MYO3B: variants seen among roughly 807,000 people sequenced by gnomAD.
MYO3B encodes myosin IIIB.
Under a neutral mutation model 174.6 loss-of-function variants are expected in MYO3B, and 156 were observed. The ratio of observed to expected loss-of-function variants is 0.89; its 90% confidence interval spans 0.78 to 1.02. The LOEUF (loss-of-function observed/expected upper bound fraction) is 1.02. Ranked by LOEUF, MYO3B falls within the 50% of genes least tolerant of loss-of-function variation. The pLI is 0.00. For missense variants in MYO3B, 1,632 were observed against 1,639.4 expected (o/e 1.00, Z 0.08); for synonymous variants, 563 against 569.1 (o/e 0.99, Z 0.15).
chr2:170,337,574 C>G (rs1386244402), intron 8 of MYO3B, among the ~76,000 whole-genome samples: 1 of 152,126 alleles, frequency 6.6e-6, no homozygotes, highest in Non-Finnish European at 1.5e-5. Flanking sequence ...AGAGATTGGA[C>G]TGTACACAAC....
At chr2:170,438,723 C>G (rs1264760477) in intron 22 of MYO3B, among the ~76,000 whole-genome samples, 1 of 152,090 alleles carries the variant, frequency 6.6e-6, no homozygotes, top group Admixed American at 6.5e-5. Flanking sequence ...CAGCCTCCCC[C>G]TCCCAAGTTC....
chr2:170,466,837 C>A, intron 25 of MYO3B, 126 bp downstream of exon 25: 1 of 942,592 alleles, frequency 1.1e-6, no homozygotes, highest in Non-Finnish European at 1.6e-6. Flanking sequence ...TGCCAGCTAC[C>A]ATTTACTTGC....
intron 7 of MYO3B, among the ~76,000 whole-genome samples, chr2:170,280,307 G>A (rs1000565952): frequency 2.0e-5 from 3 of 151,848 alleles, no homozygotes; most frequent in Non-Finnish European, 4.4e-5. Flanking sequence ...TTTTAGTGGG[G>A]TTGTTTTTTT....
intron 25 of MYO3B, among the ~76,000 whole-genome samples, chr2:170,488,626 T>A (rs533501397): frequency 6.6e-6 from 1 of 152,208 alleles, no homozygotes; most frequent in African/African-American, 2.4e-5. Flanking sequence ...ATAGCTTATA[T>A]GAAATAAAAG....
At chr2:170,532,142 A>G (rs575540593) in intron 30 of MYO3B, among the ~76,000 whole-genome samples, 1 of 152,222 alleles carries the variant, frequency 6.6e-6, no homozygotes, top group African/African-American at 2.4e-5. Flanking sequence ...GAAGAAGACA[A>G]CATCACTTTT....
At chr2:170,404,461 A>G (rs1348829140) in intron 20 of MYO3B, 61 bp downstream of exon 20, 17 of 1,493,458 alleles carry the variant, frequency 1.1e-5, no homozygotes, top group Admixed American at 2.2e-5. Flanking sequence ...TGTGTCATCA[A>G]TTGAGTGTAC....
intron 8 of MYO3B, among the ~76,000 whole-genome samples, chr2:170,337,015 A>G (rs1382127603): frequency 1.3e-5 from 2 of 151,508 alleles, no homozygotes; most frequent in South Asian, 4.2e-4. Flanking sequence ...TTGCCCCTTT[A>G]GCCCCACGTT....
chr2:170,624,669 T>TTTG (rs1559171164), intron 32 of MYO3B, among the ~76,000 whole-genome samples: 1 of 152,138 alleles, frequency 6.6e-6, no homozygotes, highest in African/African-American at 2.4e-5. Context: ...TGCTTCCAGT[T>TTTG]TTTGCCCATT....
chr2:170,558,292 G>A (rs1691475705), intron 32 of MYO3B, among the ~76,000 whole-genome samples: 2 of 150,270 alleles, frequency 1.3e-5, no homozygotes, highest in East Asian at 2.0e-4. Context: ...GACAGAGTGA[G>A]ACTCTGTCTC....
At chr2:170,615,549 G>A (rs1237341780) in intron 32 of MYO3B, among the ~76,000 whole-genome samples, 2 of 152,346 alleles carry the variant, frequency 1.3e-5, no homozygotes, top group Non-Finnish European at 2.9e-5. Context: ...GAGGAGGAAT[G>A]TATTCATTAT....
intron 8 of MYO3B, among the ~76,000 whole-genome samples, chr2:170,368,291 G>A (rs1326608533): frequency 1.3e-5 from 2 of 152,206 alleles, no homozygotes; most frequent in African/African-American, 4.8e-5. Flanking sequence ...TTTATCCTAA[G>A]CCTCCAATGT....
chr2:170,425,777 G>C (rs925139658), intron 22 of MYO3B, among the ~76,000 whole-genome samples: 1 of 152,184 alleles, frequency 6.6e-6, no homozygotes, highest in Non-Finnish European at 1.5e-5. Context: ...TCCCTGAAAT[G>C]ATTACAGTGT....
At chr2:170,644,844 C>T (rs1698243362) in intron 32 of MYO3B, among the ~76,000 whole-genome samples, 1 of 152,160 alleles carries the variant, frequency 6.6e-6, no homozygotes, top group South Asian at 2.1e-4. Context: ...AGATTTCTTC[C>T]ATTTTCTGAC....
At chr2:170,401,252 C>T (rs931996838) in intron 17 of MYO3B, among the ~76,000 whole-genome samples, 41 of 152,212 alleles carry the variant, frequency 2.7e-4, no homozygotes, top group African/African-American at 9.9e-4. Flanking sequence ...AGACCACCTC[C>T]TCTTCCTTTT....
intron 8 of MYO3B, among the ~76,000 whole-genome samples, chr2:170,368,958 C>T (rs1012976300): frequency 6.6e-6 from 1 of 152,174 alleles, no homozygotes; most frequent in African/African-American, 2.4e-5. Context: ...GTTTTGAGTA[C>T]TTCAAGTTGA....
At chr2:170,347,718 T>C (rs2094027717) in intron 8 of MYO3B, among the ~76,000 whole-genome samples, 1 of 152,244 alleles carries the variant, frequency 6.6e-6, no homozygotes, top group African/African-American at 2.4e-5. Flanking sequence ...CTCATGATGC[T>C]AGAGTGTGCA....
At chr2:170,511,741 A>G (rs1168480381) in intron 28 of MYO3B, among the ~76,000 whole-genome samples, 1 of 152,166 alleles carries the variant, frequency 6.6e-6, no homozygotes, top group African/African-American at 2.4e-5. Flanking sequence ...CTTTTGGGGT[A>G]CCCACAAAAT....
intron 7 of MYO3B, among the ~76,000 whole-genome samples, chr2:170,289,494 G>C (rs942069646): frequency 1.3e-5 from 2 of 151,810 alleles, no homozygotes; most frequent in Admixed American, 6.6e-5. Context: ...CAATTCGTTG[G>C]CATTTAGTTG....
intron 7 of MYO3B, among the ~76,000 whole-genome samples, chr2:170,294,465 A>G (rs2093616105): frequency 1.3e-5 from 2 of 151,942 alleles, no homozygotes; most frequent in Admixed American, 6.6e-5. Context: ...AGCTTGCTAT[A>G]TTTTTGAAGA....
Sources: allele counts gnomAD v4.1 joint callset (sites outside exome capture counted in the v4.1 genomes callset), GRCh38; gene constraint gnomAD v4.1.1; transcripts MANE v1.5; gene names NCBI Gene and HGNC (gene_info 2026-07-23, HGNC 2026-07-21).